The following SOX5 variants were observed in gnomAD, a reference collection of about 807,000 sequenced individuals.
The protein encoded by SOX5 is transcription factor SOX-5.
In SOX5, 9 loss-of-function variants were observed where a neutral mutation model predicts 92.0. The ratio of observed to expected loss-of-function variants is 0.10; its 90% confidence interval spans 0.06 to 0.17. The LOEUF is 0.17. Among genes scored for constraint, SOX5 ranks in the 10% least tolerant of loss-of-function variants. SOX5 has a pLI of 1.00. For missense variants in SOX5, 642 were observed against 944.5 expected (o/e 0.68, Z 4.20); for synonymous variants, 344 against 336.3 (o/e 1.02, Z -0.25).
chr12:24,273,586 C>T (rs926431898), intron 3 of SOX5, among the ~76,000 whole-genome samples: 3 of 152,174 alleles, frequency 2.0e-5, no homozygotes, highest in African/African-American at 7.2e-5. Flanking sequence ...CATTTTAGCT[C>T]AGTCTCATCA....
At chr12:23,857,117 C>A (rs762567865) in intron 2 of SOX5, among the ~76,000 whole-genome samples, 3 of 152,082 alleles carry the variant, frequency 2.0e-5, no homozygotes, top group Admixed American at 2.0e-4. Context: ...TGCATATACA[C>A]ACACACTACA....
chr12:24,030,332 T>C (rs1955358014), intron 4 of SOX5, among the ~76,000 whole-genome samples: 1 of 151,882 alleles, frequency 6.6e-6, no homozygotes, highest in Non-Finnish European at 1.5e-5. Flanking sequence ...AGCATGATAC[T>C]GGCATAAAAA....
At chr12:24,401,807 C>A (rs564606858) in intron 1 of SOX5, among the ~76,000 whole-genome samples, 1 of 151,386 alleles carries the variant, frequency 6.6e-6, no homozygotes, top group Non-Finnish European at 1.5e-5. Flanking sequence ...CCTACAAAGC[C>A]TAAAATATTT....
chr12:24,261,033 G>A lies in SOX5; in HGVS notation c.-77+16183C>T, dbSNP rs77275236. Among the ~76,000 whole-genome samples, 37 of 152,108 alleles carry A rather than the reference G, an allele frequency of 2.4e-4. No individual in the cohort carries two copies. In the East Asian group the frequency reaches 2.7e-3, roughly 11 times the overall value. On this transcript the variant is annotated intron_variant, in intron 3 of 4. Transcript: ENST00000446891. Reference sequence around the variant, plus strand: ...ATAGTAATTCTTATAGGTTTGTTTCGAGGGCTCAATGAGTTCAAACAAACA... The same window carrying A: ...ATAGTAATTCTTATAGGTTTGTTTCAAGGGCTCAATGAGTTCAAACAAACA...
intron 4 of SOX5, among the ~76,000 whole-genome samples, chr12:24,168,484 AC>A (rs1953682128): frequency 6.6e-6 from 1 of 152,234 alleles, no homozygotes; most frequent in Non-Finnish European, 1.5e-5. Flanking sequence ...CAATAGAGAT[AC>A]TAAAATAAGC....
At chr12:23,825,566 G>C (rs2096215296) in intron 3 of SOX5, among the ~76,000 whole-genome samples, 1 of 152,126 alleles carries the variant, frequency 6.6e-6, no homozygotes. Flanking sequence ...ATATGTATGT[G>C]TTTGTATGCG....
intron 2 of SOX5, among the ~76,000 whole-genome samples, chr12:24,339,984 T>C (rs1952391037): frequency 6.6e-6 from 1 of 152,178 alleles, no homozygotes. Context: ...GGTGCTAGCA[T>C]GCTAGGGTGG....
intron 1 of SOX5, among the ~76,000 whole-genome samples, chr12:24,440,105 G>A (rs1055587871): frequency 1.3e-5 from 2 of 152,148 alleles, no homozygotes; most frequent in Non-Finnish European, 2.9e-5. Context: ...AGGAGAAGGG[G>A]GAGAAGTAAG....
At chr12:24,446,581 C>A (rs868787061) in intron 1 of SOX5, among the ~76,000 whole-genome samples, 1 of 152,120 alleles carries the variant, frequency 6.6e-6, no homozygotes, top group Non-Finnish European at 1.5e-5. Context: ...GGAAGAGTGA[C>A]ATGACTGATT....
intron 11 of SOX5, among the ~76,000 whole-genome samples, chr12:23,547,901 TGA>T (rs897032025): frequency 2.1e-4 from 32 of 152,104 alleles, no homozygotes; most frequent in African/African-American, 7.0e-4. Context: ...TGTCTTTTGC[TGA>T]GAGAGTCGGC....
At chr12:24,470,218 G>T (rs1019435225) in intron 1 of SOX5, among the ~76,000 whole-genome samples, 1 of 152,098 alleles carries the variant, frequency 6.6e-6, no homozygotes, top group African/African-American at 2.4e-5. Context: ...GAATTTGATT[G>T]CCCAATTACC....
chr12:24,161,363 G>C (rs1952735162), intron 4 of SOX5, among the ~76,000 whole-genome samples: 1 of 152,060 alleles, frequency 6.6e-6, no homozygotes, highest in African/African-American at 2.4e-5. Flanking sequence ...ACTATATCAA[G>C]CAGAAATGTC....
chr12:23,856,749 A>G (rs2096695500), intron 2 of SOX5, among the ~76,000 whole-genome samples: 1 of 152,178 alleles, frequency 6.6e-6, no homozygotes, highest in African/African-American at 2.4e-5. Context: ...TAGTAATCAT[A>G]ACAACTATAA....
At chr12:24,296,314 C>G (rs191428200) in intron 2 of SOX5, among the ~76,000 whole-genome samples, 1 of 152,196 alleles carries the variant, frequency 6.6e-6, no homozygotes, top group Non-Finnish European at 1.5e-5. Flanking sequence ...GTAACTGTTT[C>G]CACATTATTG....
intron 2 of SOX5, among the ~76,000 whole-genome samples, chr12:24,328,996 TA>T (rs1951008780): frequency 2.0e-5 from 3 of 152,168 alleles, no homozygotes; most frequent in African/African-American, 7.2e-5. Context: ...TCCCAAGAAT[TA>T]AGAACTAAGG....
At chr12:24,116,376 T>C (rs867940620) in intron 4 of SOX5, among the ~76,000 whole-genome samples, 5 of 152,246 alleles carry the variant, frequency 3.3e-5, no homozygotes, top group African/African-American at 4.8e-5. Context: ...GATATAGCAA[T>C]AATCTTATTA....
At chr12:23,554,934 G>C (rs1944873939) in intron 11 of SOX5, among the ~76,000 whole-genome samples, 1 of 152,096 alleles carries the variant, frequency 6.6e-6, no homozygotes, top group South Asian at 2.1e-4. Flanking sequence ...GAGGGCAGCT[G>C]TTTGATCTTG....
intron 4 of SOX5, among the ~76,000 whole-genome samples, chr12:23,980,433 G>T (rs79609177): frequency 0.015 from 2,328 of 151,972 alleles, 62 homozygotes; most frequent in African/African-American, 0.053. Flanking sequence ...TTTGAAGAGG[G>T]TGAGTTCTAA....
intron 2 of SOX5, among the ~76,000 whole-genome samples, chr12:23,883,908 A>C (rs1278010796): frequency 6.6e-6 from 1 of 152,216 alleles, no homozygotes; most frequent in African/African-American, 2.4e-5. Flanking sequence ...TCTCAGATTG[A>C]ATAATGATCT....
Sources: gnomAD v4.1 joint callset for allele counts (sites outside exome capture counted in the v4.1 genomes callset) on GRCh38, gnomAD v4.1.1 for gene constraint, MANE v1.5 for transcripts, NCBI Gene and HGNC (gene_info 2026-07-23, HGNC 2026-07-21) for gene names.